TTC39A: variants seen among roughly 807,000 people sequenced by gnomAD.
The protein encoded by TTC39A is tetratricopeptide repeat protein 39A.
Under a neutral mutation model 82.3 loss-of-function variants are expected in TTC39A, and 46 were observed. The observed-to-expected ratio is 0.56, with a 90% CI of 0.44 to 0.71. The LOEUF (loss-of-function observed/expected upper bound fraction) is 0.71. Among genes scored for constraint, TTC39A ranks in the 30% least tolerant of loss-of-function variants. The probability of loss-of-function intolerance (pLI) is 0.00; values close to 1 mark genes in which losing one functional copy is unlikely to be tolerated. For missense variants in TTC39A, 543 were observed against 712.9 expected (o/e 0.76, Z 2.71); for synonymous variants, 254 against 275.2 (o/e 0.92, Z 0.76).
chr1:51,344,483 C>T (rs941731020), intron 1 of TTC39A, among the ~76,000 whole-genome samples: 10 of 152,138 alleles, frequency 6.6e-5, no homozygotes, highest in Non-Finnish European at 1.5e-4. Context: ...CTGGGGTGCA[C>T]ATAATTCACC....
chr1:51,308,373 G>A (rs1005246920), intron 6 of TTC39A, among the ~76,000 whole-genome samples: 5 of 152,128 alleles, frequency 3.3e-5, no homozygotes, highest in African/African-American at 1.2e-4. Context: ...CCAAGTAGCT[G>A]GGATTACAGG....
In TTC39A at chr1:51,312,111, T is replaced by C; in HGVS notation, c.355+8A>G. 4 of 1,609,834 alleles carry C rather than the reference T, an allele frequency of 2.5e-6. No individual in the cohort carries two copies. Among genetic ancestry groups the C allele is most frequent in the Non-Finnish European group, 3.4e-6 (4 of 1,178,282 alleles). The stretch of plus-strand genomic sequence containing the variant: ...AGCATGGTTGAAAGGATGTCCTGGA[T>C]GCCACACCTTCAGTGAATTGGCCCA... On this transcript the variant is annotated splice_region_variant and intron_variant, in intron 4 of 17. Transcript: ENST00000680483.
Position 51,303,208 on chromosome 1 carries a change from G to T in TTC39A, c.655-16C>A. The T allele has an allele frequency of 4.7e-6, 7 of 1,493,896 alleles. No individual in the cohort carries two copies. The highest frequency in any genetic ancestry group is 1.2e-5 in the South Asian group (1 of 82,730). 92.5% of individuals were successfully genotyped at this position (1,493,896 alleles called of 1,614,324 possible). A position where few individuals can be genotyped will look rare whatever the true frequency, so the allele number is the denominator to read the frequency against. Reference sequence around the variant, plus strand: ...GCCCATAGTCCTGAGGGGATGGGAGGGTGGGTGAGGCTCCCAGAGAGGGCA... The same window carrying T: ...GCCCATAGTCCTGAGGGGATGGGAGTGTGGGTGAGGCTCCCAGAGAGGGCA... On this transcript the variant is annotated splice_polypyrimidine_tract_variant and intron_variant, in intron 8 of 17. Transcript: ENST00000680483.
At chr1:51,332,078 G>A (rs763578473), upstream of TTC39A, among the ~76,000 whole-genome samples, 24 of 152,156 alleles carry the variant, frequency 1.6e-4, no homozygotes, top group Non-Finnish European at 3.5e-4. Context: ...CCTCTGTGTG[G>A]AACACACCTT....
chr1:51,302,478 G>T (rs1429154456), intron 10 of TTC39A, 28 bp downstream of exon 10: 1 of 1,607,774 alleles, frequency 6.2e-7, no homozygotes, highest in East Asian at 2.2e-5. Context: ...TTGTGGGCTG[G>T]GGGTACCGGG....
intron 6 of TTC39A, among the ~76,000 whole-genome samples, chr1:51,306,857 C>A (rs1245475377): frequency 1.0e-4 from 11 of 105,210 alleles, no homozygotes; most frequent in Non-Finnish European, 1.9e-4. Flanking sequence ...GGACAGACCC[C>A]CCCCCCCCGC....
Position 51,287,946 on chromosome 1 carries a change from C to T in TTC39A, c.*211G>A. 1 of 640,028 alleles carries T rather than the reference C, an allele frequency of 1.6e-6. No homozygotes were observed. The highest frequency in any genetic ancestry group is 2.6e-6 in the Non-Finnish European group (1 of 388,376). The allele number at this position is 640,028 out of a possible 1,614,324, so 39.6% of individuals were successfully genotyped here. On this transcript the variant is annotated 3_prime_UTR_variant, in exon 18 of 18. Transcript: ENST00000680483. ...TATGTGTGATAGGGCAGGCAGAGGG[C>T]TCCACCTGCTCTGCCCTTGGCAAAG...
intron 2 of TTC39A, among the ~76,000 whole-genome samples, chr1:51,320,072 A>G (rs1021804760): frequency 6.6e-6 from 1 of 152,176 alleles, no homozygotes; most frequent in Non-Finnish European, 1.5e-5. Context: ...GAAACAGGAG[A>G]AAAGCAAAGG....
chr1:51,309,974 G>A (rs1007794477), intron 5 of TTC39A, among the ~76,000 whole-genome samples: 1 of 152,026 alleles, frequency 6.6e-6, no homozygotes, highest in Non-Finnish European at 1.5e-5. Flanking sequence ...ACAATATGCT[G>A]TTCAGACATG....
Position 51,341,726 on chromosome 1 carries a change from A to G in TTC39A, c.53+3265T>C, listed in dbSNP as rs1646039322. Among the ~76,000 whole-genome samples the G allele has an allele frequency of 3.3e-5, 5 of 152,140 alleles. No individual in the cohort carries two copies. The South Asian group carries it at 1.0e-3, about 32-fold the overall frequency. Reference sequence around the variant, plus strand: ...TTCAACACACACACACACAAAAAAAACCTTGAAATTTTAAATCACAAGTCT... The same window carrying G: ...TTCAACACACACACACACAAAAAAAGCCTTGAAATTTTAAATCACAAGTCT... On this transcript the variant is annotated intron_variant, in intron 1 of 5. Transcript: ENST00000401051.
intron 1 of TTC39A, among the ~76,000 whole-genome samples, chr1:51,339,496 G>C (rs193176810): frequency 1.3e-5 from 2 of 152,346 alleles, no homozygotes; most frequent in Admixed American, 1.3e-4. Flanking sequence ...GAAAGAAGAT[G>C]TTGGAAGACA....
rs996884627 is a variant in TTC39A at position 51,288,672 on chromosome 1, T to A, written c.1610+167A>T. Among the ~76,000 whole-genome samples, 1 of 152,202 alleles carries A rather than the reference T, an allele frequency of 6.6e-6. No homozygotes were observed. Among genetic ancestry groups the A allele is most frequent in the Non-Finnish European group, 1.5e-5 (1 of 68,038 alleles). On this transcript the variant is annotated intron_variant, in intron 17 of 17. Transcript: ENST00000680483. The surrounding 1 kb of genome is among the most constrained non-coding windows in gnomAD (Gnocchi z 4.8). ...ATACATTAAGAAAGAAGTCTTCCTA[T>A]GACAGGCGAGAGCTGGATTCCGAGG...
rs558569398 is a variant in TTC39A at position 51,303,067 on chromosome 1, T to G, written c.763+17A>C. On this transcript the variant is annotated intron_variant, in intron 9 of 17. Coordinates refer to ENST00000680483, the MANE Select transcript of TTC39A (RefSeq NM_001297663.2). ...GACGACCAAACCCCAGGGCCCCAGG[T>G]CCCCCTGTACACCTACCGAGCACGA... The G allele has an allele frequency of 1.6e-4, 247 of 1,569,652 alleles. No individual in the cohort carries two copies. Among genetic ancestry groups the G allele is most frequent in the East Asian group, 3.3e-4 (14 of 42,314 alleles).
In TTC39A at chr1:51,302,256, C is replaced by T. The variant is rs1472844803; in HGVS notation, c.891+101G>A. 4 of 632,338 alleles carry T rather than the reference C, an allele frequency of 6.3e-6. No homozygotes were observed. The East Asian group carries it at 1.2e-4, about 19-fold the overall frequency. The allele number at this position is 632,338 out of a possible 1,614,324, so 39.2% of individuals were successfully genotyped here. A position where few individuals can be genotyped will look rare whatever the true frequency, so the allele number is the denominator to read the frequency against. ...TCTCTCTTGGCCCCCCCCCCGCCCC[C>T]AGTCTATCCTGTCCCTGAGTATGTC... On this transcript the variant is annotated intron_variant, in intron 11 of 17. Coordinates refer to ENST00000680483, the MANE Select transcript of TTC39A (RefSeq NM_001297663.2).
At chr1:51,323,894 T>C (rs1258494910) in intron 1 of TTC39A, among the ~76,000 whole-genome samples, 2 of 152,210 alleles carry the variant, frequency 1.3e-5, no homozygotes, top group African/African-American at 4.8e-5. Flanking sequence ...TTGTTTCTGG[T>C]GCCTGCTGCT....
chr1:51,302,833 T>G (rs1361549762), intron 9 of TTC39A, among the ~76,000 whole-genome samples: 2 of 152,176 alleles, frequency 1.3e-5, no homozygotes, highest in Non-Finnish European at 2.9e-5. Context: ...ACACAGTGTC[T>G]TCACACCCTC....
At chr1:51,291,222 G>A (rs1372732837) in intron 14 of TTC39A, among the ~76,000 whole-genome samples, 2 of 151,996 alleles carry the variant, frequency 1.3e-5, no homozygotes, top group African/African-American at 2.4e-5. Context: ...CAGGCACAGC[G>A]GCTCACGCCT....
At chr1:51,303,045 G>T in intron 9 of TTC39A, 39 bp downstream of exon 9, 2 of 1,539,272 alleles carry the variant, frequency 1.3e-6, no homozygotes, top group South Asian at 1.2e-5. Context: ...CCTTGGAGAC[G>T]ACCAAACCCC....
Position 51,302,014 on chromosome 1 carries a change from G to A in TTC39A, c.892-281C>T, listed in dbSNP as rs569108100. ...GAGCAGGAGAGAGCTATAATGGAGGGGAGGTACCAGACTCCAGCCTAATCG... is the reference window on the plus strand; with the variant it reads ...GAGCAGGAGAGAGCTATAATGGAGGAGAGGTACCAGACTCCAGCCTAATCG... On this transcript the variant is annotated intron_variant, in intron 11 of 17. Transcript: ENST00000680483. The A allele has an allele frequency of 7.8e-5, 53 of 680,334 alleles. No homozygotes were observed. In the African/African-American group the frequency reaches 7.9e-4, roughly 10 times the overall value. 42.1% of individuals were successfully genotyped at this position (680,334 alleles called of 1,614,324 possible). A position where few individuals can be genotyped will look rare whatever the true frequency, so the allele number is the denominator to read the frequency against.
Sources: gnomAD v4.1 joint callset for allele counts (sites outside exome capture counted in the v4.1 genomes callset) on GRCh38, gnomAD v4.1.1 for gene constraint, Gnocchi (gnomAD v3.1) non-coding constraint, MANE v1.5 for transcripts, NCBI Gene and HGNC (gene_info 2026-07-23, HGNC 2026-07-21) for gene names.